Variants in DYNC2H1 observed in about 807,000 individuals in gnomAD.
DYNC2H1 encodes the protein cytoplasmic dynein 2 heavy chain 1.
In DYNC2H1, 410 loss-of-function variants were observed where a neutral mutation model predicts 570.0. The observed-to-expected ratio is 0.72, with a 90% confidence interval of 0.66 to 0.78. The LOEUF is 0.78. DYNC2H1 is among the 30% of genes least tolerant of loss of function. The pLI is 0.00. For missense variants in DYNC2H1, 4,865 were observed against 5,046.4 expected (o/e 0.96, Z 1.09); for synonymous variants, 1,688 against 1,677.6 (o/e 1.01, Z -0.15).
At chr11:103,330,303 TTA>T (rs138328932) in intron 82 of DYNC2H1, among the ~76,000 whole-genome samples, 46,093 of 151,714 alleles carry the variant, frequency 0.3, 8,411 homozygotes, top group Non-Finnish European at 0.4. Context: ...ATCATTTGTG[TTA>T]TGTTTGTACG....
Position 103,114,120 on chromosome 11 carries a change from A to G in DYNC2H1, c.384A>G (p.Arg128=). The G allele has an allele frequency of 6.2e-7, 1 of 1,610,668 alleles. No homozygotes were observed. Among genetic ancestry groups the G allele is most frequent in the Non-Finnish European group, 8.5e-7 (1 of 1,178,288 alleles). Residue 128 remains arginine (R), a synonymous_variant, in exon 3 of 89, where the codon AGA becomes AGG. Coordinates refer to ENST00000375735, the MANE Select transcript of DYNC2H1 (RefSeq NM_001377.3). ...TTATTTAGGATCAGGAATGGAGCAGAAACTTTGATCCCAAACTTCAGAATC... is the reference window on the plus strand; with the variant it reads ...TTATTTAGGATCAGGAATGGAGCAGGAACTTTGATCCCAAACTTCAGAATC... ...PMLLKDQEWS[R]NFDPKLQNLL...
intron 88 of DYNC2H1, among the ~76,000 whole-genome samples, chr11:103,478,666 G>C (rs1185802031): frequency 1.3e-5 from 2 of 152,170 alleles, no homozygotes; most frequent in Admixed American, 6.5e-5. Flanking sequence ...GGAGACTTAA[G>C]AGACATTTCA....
At chr11:103,349,984 A>AC (rs1309229849) in intron 82 of DYNC2H1, among the ~76,000 whole-genome samples, 1 of 151,898 alleles carries the variant, frequency 6.6e-6, no homozygotes, top group Non-Finnish European at 1.5e-5. Context: ...AGAAAGATAA[A>AC]CCACTGCATA....
chr11:103,161,865 A>T (rs1295576881), intron 29 of DYNC2H1, among the ~76,000 whole-genome samples: 3 of 152,198 alleles, frequency 2.0e-5, no homozygotes. Context: ...ATCACATGGA[A>T]TTGTAACTTT....
intron 85 of DYNC2H1, among the ~76,000 whole-genome samples, chr11:103,452,898 AATATC>A (rs1944659361): frequency 6.6e-6 from 1 of 152,214 alleles, no homozygotes; most frequent in South Asian, 2.1e-4. Flanking sequence ...AAAATATTGC[AATATC>A]ATATCACTTT....
chr11:103,128,818 TG>T, intron 12 of DYNC2H1, 91 bp from the exon 13 acceptor site: 1 of 1,107,136 alleles, frequency 9.0e-7, no homozygotes, highest in Non-Finnish European at 1.3e-6. Flanking sequence ...ATTTTAGGAT[TG>T]AGAAAAGTTA....
chr11:103,409,331 TTA>T (rs1442184808), intron 84 of DYNC2H1, among the ~76,000 whole-genome samples: 2 of 152,082 alleles, frequency 1.3e-5, no homozygotes, highest in African/African-American at 4.8e-5. Context: ...TTCATGTTAC[TTA>T]TATTAACATT....
chr11:103,389,445 C>G (rs1442375857), intron 83 of DYNC2H1, among the ~76,000 whole-genome samples: 2 of 152,102 alleles, frequency 1.3e-5, no homozygotes, highest in East Asian at 3.8e-4. Context: ...TTTCAAAAAA[C>G]CACCTCCTGG....
At chr11:103,130,054 A>C (rs1448898858) in intron 13 of DYNC2H1, among the ~76,000 whole-genome samples, 1 of 152,196 alleles carries the variant, frequency 6.6e-6, no homozygotes, top group Admixed American at 6.5e-5. Context: ...CGAACTTCTA[A>C]GAGTCTTCTC....
chr11:103,131,354 C>T (rs1024892594), intron 13 of DYNC2H1, among the ~76,000 whole-genome samples: 8 of 151,856 alleles, frequency 5.3e-5, no homozygotes, highest in South Asian at 4.2e-4. Context: ...AGTGCAGTGT[C>T]GCAATCTCGG....
chr11:103,355,776 A>G (rs1040776573), intron 82 of DYNC2H1, among the ~76,000 whole-genome samples: 1 of 152,308 alleles, frequency 6.6e-6, no homozygotes, highest in African/African-American at 2.4e-5. Flanking sequence ...CAGTGGCATG[A>G]TGATAGCACA....
At position 103,134,494 on chromosome 11, in the gene DYNC2H1, C is replaced by T. The variant is rs1591292708; in HGVS notation, c.2205+75C>T. On this transcript the variant is annotated intron_variant, in intron 15 of 88. Coordinates refer to ENST00000375735, the MANE Select transcript of DYNC2H1 (RefSeq NM_001377.3). The stretch of plus-strand genomic sequence containing the variant: ...GAATGTAAGTACAATATATGAATTG[C>T]CGAGAAGTTCATAAAAGTTATCTTT... 16 of 1,164,750 alleles carry T rather than the reference C, an allele frequency of 1.4e-5. No homozygotes were observed. In the East Asian group the frequency reaches 3.6e-4, roughly 26 times the overall value. 72.2% of individuals were successfully genotyped at this position (1,164,750 alleles called of 1,614,324 possible). A position where few individuals can be genotyped will look rare whatever the true frequency, so the allele number is the denominator to read the frequency against.
At position 103,174,119 on chromosome 11, in the gene DYNC2H1, G is replaced by A; in HGVS notation, c.5623G>A (p.Gly1875Arg). ...GAGAGCTTTGAAGACAGTTCTGAGA[G>A]GAAGTGGAAATCTCCTTAGACAGCT... ...GLRALKTVLRGSGNLLRQLNK... is the reference protein window; with the variant it reads ...GLRALKTVLRRSGNLLRQLNK... The change falls in exon 36 of 89, where the codon GGA becomes AGA. Residue 1875 changes from glycine (G) to arginine (R), a missense_variant. Coordinates refer to ENST00000375735, the MANE Select transcript of DYNC2H1 (RefSeq NM_001377.3). 6.3e-7 allele frequency: 1 copy of A among 1,590,104 alleles called. No homozygotes were observed. The highest frequency in any genetic ancestry group is 8.6e-7 in the Non-Finnish European group (1 of 1,166,874).
intron 18 of DYNC2H1, among the ~76,000 whole-genome samples, chr11:103,144,107 T>C (rs1468095154): frequency 6.6e-6 from 1 of 152,214 alleles, no homozygotes; most frequent in Non-Finnish European, 1.5e-5. Context: ...TATTCTCTGG[T>C]AGTGCAATAA....
intron 39 of DYNC2H1, 63 bp downstream of exon 39, chr11:103,179,296 TTAAG>T: frequency 6.8e-7 from 1 of 1,473,454 alleles, no homozygotes; most frequent in Non-Finnish European, 9.3e-7. Context: ...TGGTTTCATA[TTAAG>T]TAAAATAAGT....
intron 83 of DYNC2H1, among the ~76,000 whole-genome samples, chr11:103,362,806 G>T (rs1479674785): frequency 6.6e-6 from 1 of 152,098 alleles, no homozygotes; most frequent in Non-Finnish European, 1.5e-5. Context: ...GAAGTGGGAG[G>T]ATCCCCTGAG....
intron 82 of DYNC2H1, among the ~76,000 whole-genome samples, chr11:103,337,827 T>C (rs913434693): frequency 7.2e-5 from 11 of 152,186 alleles, no homozygotes; most frequent in African/African-American, 2.4e-4. Flanking sequence ...CTCCTGTTCT[T>C]CAGATTGTCT....
In DYNC2H1 at chr11:103,120,538, C is replaced by CTT. The variant is rs1565314824; in HGVS notation, c.1094_1095dup (p.Thr366LeufsTer4). 1.2e-6 allele frequency: 2 copies of CTT among 1,612,980 alleles called. No individual in the cohort carries two copies. Among genetic ancestry groups the CTT allele is most frequent in the Non-Finnish European group, 1.7e-6 (2 of 1,179,408 alleles). On this transcript the variant is annotated frameshift_variant, in exon 7 of 89. Transcript: ENST00000375735. LOFTEE classifies it high-confidence loss of function. ...ATATGCCTCACTCGAGTATTTGAAC[C>CTT]TTTTACTGGCCTGAATCCTGTGCAA...
rs1217127196 is a variant in DYNC2H1 at position 103,160,795 on chromosome 11, AT to A, written c.4379-136del. Reference sequence around the variant, plus strand: ...AGGACATTTAAACACTAGGAGCACTATATATTATGTGGTATACATTATAATT... The same window carrying A: ...AGGACATTTAAACACTAGGAGCACTAATATTATGTGGTATACATTATAATT... On this transcript the variant is annotated intron_variant, in intron 28 of 88. Coordinates refer to ENST00000375735, the MANE Select transcript of DYNC2H1 (RefSeq NM_001377.3). 9.0e-5 allele frequency: 38 copies of A among 423,510 alleles called. No homozygotes were observed. The Admixed American group carries it at 1.4e-3, about 16-fold the overall frequency. The allele number at this position is 423,510 out of a possible 1,614,324, so 26.2% of individuals were successfully genotyped here.
Sources: gnomAD v4.1 joint callset for allele counts (sites outside exome capture counted in the v4.1 genomes callset) on GRCh38, gnomAD v4.1.1 for gene constraint, MANE v1.5 for transcripts, NCBI Gene and HGNC (gene_info 2026-07-23, HGNC 2026-07-21) for gene names.